The following ATXN2 variants were observed in gnomAD, a reference collection of about 807,000 sequenced individuals.
The protein encoded by ATXN2 is ataxin-2.
A neutral mutation model predicts 138.6 loss-of-function variants in ATXN2; 37 were observed. The ratio of observed to expected loss-of-function variants is 0.27; its 90% CI spans 0.21 to 0.35. The LOEUF is 0.35. Ranked by LOEUF, ATXN2 falls within the 10% of genes least tolerant of loss-of-function variation. The pLI, the probability that ATXN2 is intolerant of heterozygous loss-of-function variation, is 1.00. For synonymous variants in ATXN2, 549 were observed against 543.7 expected (o/e 1.01, Z -0.13); for missense variants, 1,216 against 1,480.3 (o/e 0.82, Z 2.93).
At chr12:111,576,607 C>CTGAGTCACTGAGACTGTAGA (rs1245784683) in intron 1 of ATXN2, among the ~76,000 whole-genome samples, 1 of 151,906 alleles carries the variant, frequency 6.6e-6, no homozygotes, top group Non-Finnish European at 1.5e-5. Context: ...CCTCAGCCTT[C>CTGAGTCACTGAGACTGTAGA]TGAGTCACTG....
chr12:111,479,130 G>A (rs1365671174), intron 18 of ATXN2: 3 of 392,800 alleles, frequency 7.6e-6, no homozygotes, highest in Non-Finnish European at 1.3e-5. Flanking sequence ...ACAAACACTT[G>A]TACACAAATG....
intron 5 of ATXN2, among the ~76,000 whole-genome samples, chr12:111,548,580 CATATT>C (rs1465784469): frequency 6.6e-6 from 1 of 152,164 alleles, no homozygotes; most frequent in Non-Finnish European, 1.5e-5. Flanking sequence ...AATACAATGT[CATATT>C]AGTATACTCT....
At chr12:111,492,625 T>C (rs1592828099) in intron 14 of ATXN2, among the ~76,000 whole-genome samples, 1 of 150,930 alleles carries the variant, frequency 6.6e-6, no homozygotes, top group Admixed American at 6.6e-5. Flanking sequence ...GAGGTTGCGG[T>C]GAGCAAAGAC....
intron 5 of ATXN2, among the ~76,000 whole-genome samples, chr12:111,531,186 G>A (rs375605870): frequency 2.6e-5 from 4 of 152,030 alleles, no homozygotes; most frequent in South Asian, 2.1e-4. Context: ...AGGCTGAGGC[G>A]GGTGGATCAT....
At chr12:111,473,907 A>G (rs1876601877) in intron 18 of ATXN2, among the ~76,000 whole-genome samples, 1 of 152,218 alleles carries the variant, frequency 6.6e-6, no homozygotes, top group South Asian at 2.1e-4. Flanking sequence ...AATACAAGAC[A>G]AGCTGGATAT....
At chr12:111,565,255 T>C (rs1882931466) in intron 1 of ATXN2, among the ~76,000 whole-genome samples, 1 of 152,152 alleles carries the variant, frequency 6.6e-6, no homozygotes, top group African/African-American at 2.4e-5. Flanking sequence ...AATTCACAGA[T>C]GCTGCATTTT....
Position 111,453,002 on chromosome 12 carries a change from TTGGG to T in ATXN2, c.3440-166_3440-163del, listed in dbSNP as rs1399937720. The T allele has an allele frequency of 3.5e-6, 2 of 574,246 alleles. No individual in the cohort carries two copies. The highest frequency in any genetic ancestry group is 3.9e-5 in the South Asian group (1 of 25,352). 35.6% of individuals were successfully genotyped at this position (574,246 alleles called of 1,614,324 possible). A position where few individuals can be genotyped will look rare whatever the true frequency, so the allele number is the denominator to read the frequency against. Reference sequence around the variant, plus strand: ...CCCATCTGCACCAAAGTGGGGAGGGTTGGGTGGGTGGGTAGAAACAAACCAGTCA... The same window carrying T: ...CCCATCTGCACCAAAGTGGGGAGGGTTGGGTGGGTAGAAACAAACCAGTCA... On this transcript the variant is annotated intron_variant, in intron 24 of 24. Transcript: ENST00000673436. The surrounding 1 kb of genome is among the most constrained non-coding windows in gnomAD (Gnocchi z 5.4).
chr12:111,525,715 C>T (rs1016693383), intron 5 of ATXN2, among the ~76,000 whole-genome samples: 22 of 147,974 alleles, frequency 1.5e-4, no homozygotes, highest in African/African-American at 5.5e-4. Context: ...GATAGAGTCT[C>T]GTTCTGTTGC....
intron 1 of ATXN2, among the ~76,000 whole-genome samples, chr12:111,563,424 T>C (rs1369890613): frequency 2.6e-5 from 4 of 152,140 alleles, no homozygotes; most frequent in Non-Finnish European, 5.9e-5. Context: ...GAATAACAGT[T>C]TGACACAATT....
intron 20 of ATXN2, among the ~76,000 whole-genome samples, chr12:111,467,286 G>C (rs949808183): frequency 1.4e-5 from 2 of 141,276 alleles, no homozygotes; most frequent in African/African-American, 5.5e-5. Context: ...GGGACTACAG[G>C]CATGTGCCAC....
intron 5 of ATXN2, among the ~76,000 whole-genome samples, chr12:111,529,538 G>GCTAC (rs1467017411): frequency 5.9e-5 from 9 of 152,276 alleles, no homozygotes; most frequent in Admixed American, 2.0e-4. Context: ...CCACCTCCAT[G>GCTAC]CTACCCCCAC....
intron 14 of ATXN2, among the ~76,000 whole-genome samples, chr12:111,507,925 G>A (rs1057190228): frequency 2.0e-5 from 3 of 152,192 alleles, no homozygotes; most frequent in Non-Finnish European, 4.4e-5. Flanking sequence ...TAAGGGCGGT[G>A]CAAGATGTGC....
chr12:111,516,094 A>G lies in ATXN2; in HGVS notation c.1375+60T>C. On this transcript the variant is annotated intron_variant, in intron 10 of 24. Transcript: ENST00000673436. The surrounding 1 kb of genome is among the most constrained non-coding windows in gnomAD (Gnocchi z 5.0). ...GAAGAGGAAACTATTTTGTAATTATAAACTCACATAGGAGTTAAACAAAGA... is the reference window on the plus strand; with the variant it reads ...GAAGAGGAAACTATTTTGTAATTATGAACTCACATAGGAGTTAAACAAAGA... 1.3e-5 allele frequency: 18 copies of G among 1,438,342 alleles called. No homozygotes were observed. The highest frequency in any genetic ancestry group is 1.6e-5 in the Non-Finnish European group (17 of 1,055,816). The allele number at this position is 1,438,342 out of a possible 1,614,324, so 89.1% of individuals were successfully genotyped here.
intron 5 of ATXN2, among the ~76,000 whole-genome samples, chr12:111,541,615 G>A (rs1187267024): frequency 6.7e-6 from 1 of 148,526 alleles, no homozygotes; most frequent in African/African-American, 2.4e-5. Flanking sequence ...TTATAGGCGT[G>A]AGCCACCGCA....
chr12:111,490,566 A>C (rs1592825801), intron 14 of ATXN2, among the ~76,000 whole-genome samples: 1 of 152,336 alleles, frequency 6.6e-6, no homozygotes, highest in East Asian at 1.9e-4. Context: ...CATGGTGGCC[A>C]AACAGAACCT....
intron 16 of ATXN2, among the ~76,000 whole-genome samples, chr12:111,486,484 C>G (rs1877651207): frequency 6.6e-6 from 1 of 152,132 alleles, no homozygotes; most frequent in Admixed American, 6.6e-5. Context: ...GTGCAGAGGA[C>G]GTATCTATAA....
intron 5 of ATXN2, among the ~76,000 whole-genome samples, chr12:111,539,236 C>CA (rs1364893435): frequency 6.7e-6 from 1 of 149,994 alleles, no homozygotes; most frequent in African/African-American, 2.4e-5. Flanking sequence ...GTAATCCGAG[C>CA]ACTTTGGGAG....
At chr12:111,557,148 T>C (rs1882439071) in intron 1 of ATXN2, among the ~76,000 whole-genome samples, 1 of 152,202 alleles carries the variant, frequency 6.6e-6, no homozygotes, top group South Asian at 2.1e-4. Context: ...TCATAAACAT[T>C]AGTCATGACA....
intron 1 of ATXN2, among the ~76,000 whole-genome samples, chr12:111,593,054 A>G (rs1197845445): frequency 6.6e-6 from 1 of 152,020 alleles, no homozygotes; most frequent in East Asian, 1.9e-4. Context: ...GTAGCTATTT[A>G]GGACAAAAAA....
Sources: allele counts gnomAD v4.1 joint callset (sites outside exome capture counted in the v4.1 genomes callset), GRCh38; gene constraint gnomAD v4.1.1; non-coding constraint Gnocchi (gnomAD v3.1); transcripts MANE v1.5; gene names NCBI Gene and HGNC (gene_info 2026-07-23, HGNC 2026-07-21).